Variants in DDX10 observed in about 807,000 individuals in gnomAD.
The protein encoded by DDX10 is probable ATP-dependent RNA helicase DDX10.
In DDX10, 74 loss-of-function variants were observed where a neutral mutation model predicts 104.3. The ratio of observed to expected loss-of-function variants is 0.71; its 90% CI spans 0.59 to 0.86. DDX10 has a LOEUF of 0.86. DDX10 is among the 40% of genes least tolerant of loss of function. DDX10 has a pLI of 0.00. For synonymous variants in DDX10, 351 were observed against 353.4 expected, an observed-to-expected ratio of 0.99 and a Z score of 0.08; for missense variants, 952 against 1,040.0, an observed-to-expected ratio of 0.92 and a Z score of 1.16.
chr11:108,737,137 T>C (rs2094319373), intron 13 of DDX10, among the ~76,000 whole-genome samples: 1 of 152,192 alleles, frequency 6.6e-6, no homozygotes, highest in Admixed American at 6.5e-5. Context: ...TGACAACACT[T>C]TCATCCCTAG....
chr11:108,794,626 C>A (rs903581142), intron 13 of DDX10, among the ~76,000 whole-genome samples: 2 of 151,590 alleles, frequency 1.3e-5, no homozygotes, highest in Admixed American at 6.6e-5. Flanking sequence ...TTAAGACAAT[C>A]CTTTATTTTT....
intron 13 of DDX10, among the ~76,000 whole-genome samples, chr11:108,736,154 CTTT>C (rs58772238): frequency 1.2e-4 from 17 of 137,000 alleles, no homozygotes; most frequent in Admixed American, 2.2e-4. Context: ...TTCCCTAGTT[CTTT>C]TTTTTTTTTT....
At chr11:108,896,718 T>G (rs1863446080) in intron 16 of DDX10, among the ~76,000 whole-genome samples, 1 of 152,162 alleles carries the variant, frequency 6.6e-6, no homozygotes. Flanking sequence ...CCTCATATCT[T>G]AGTTGCTTCT....
intron 16 of DDX10, among the ~76,000 whole-genome samples, chr11:108,892,136 T>C (rs1336765814): frequency 1.3e-5 from 2 of 152,106 alleles, no homozygotes; most frequent in African/African-American, 4.8e-5. Context: ...GTGTTGGAAG[T>C]GAGGCCTAGT....
At chr11:108,779,268 C>A (rs1374177792) in intron 13 of DDX10, among the ~76,000 whole-genome samples, 1 of 152,136 alleles carries the variant, frequency 6.6e-6, no homozygotes, top group Non-Finnish European at 1.5e-5. Flanking sequence ...TTCACAATAG[C>A]AAAGACTTGG....
At chr11:108,678,817 T>C (rs2094230012) in intron 5 of DDX10, among the ~76,000 whole-genome samples, 1 of 151,660 alleles carries the variant, frequency 6.6e-6, no homozygotes, top group Non-Finnish European at 1.5e-5. Context: ...TTTTGATTTG[T>C]AGGAAAGTTG....
At chr11:108,888,542 A>G (rs1456271037) in intron 16 of DDX10, among the ~76,000 whole-genome samples, 5 of 152,128 alleles carry the variant, frequency 3.3e-5, no homozygotes, top group Non-Finnish European at 7.4e-5. Flanking sequence ...GACTATTTCT[A>G]TATATTCCCT....
At chr11:108,881,902 TA>T (rs1284284563) in intron 16 of DDX10, among the ~76,000 whole-genome samples, 1 of 152,166 alleles carries the variant, frequency 6.6e-6, no homozygotes, top group Non-Finnish European at 1.5e-5. Context: ...GTAATTTAAT[TA>T]AAAAAATTTT....
chr11:108,801,972 TGGG>T (rs1395823660), intron 13 of DDX10, among the ~76,000 whole-genome samples: 2 of 148,320 alleles, frequency 1.3e-5, no homozygotes, highest in African/African-American at 5.0e-5. Flanking sequence ...TTTAAAAAAG[TGGG>T]GGGAGGGAGA....
At chr11:108,836,551 A>T (rs1451649615) in intron 13 of DDX10, among the ~76,000 whole-genome samples, 1 of 152,182 alleles carries the variant, frequency 6.6e-6, no homozygotes, top group East Asian at 1.9e-4. Flanking sequence ...CACTGGCACA[A>T]TCTCAGGTCA....
chr11:108,738,884 A>T (rs11212774), intron 13 of DDX10, among the ~76,000 whole-genome samples: 1 of 151,882 alleles, frequency 6.6e-6, no homozygotes, highest in Non-Finnish European at 1.5e-5. Flanking sequence ...CTGCCCCTCA[A>T]GTCCCACAGG....
At chr11:108,933,608 T>C (rs1197399430) in intron 17 of DDX10, among the ~76,000 whole-genome samples, 1 of 152,250 alleles carries the variant, frequency 6.6e-6, no homozygotes, top group African/African-American at 2.4e-5. Context: ...CCTGAAGTTA[T>C]TGGGTACTTC....
chr11:108,741,049 A>G (rs1316331164), intron 13 of DDX10, among the ~76,000 whole-genome samples: 1 of 152,200 alleles, frequency 6.6e-6, no homozygotes, highest in East Asian at 1.9e-4. Flanking sequence ...AGTACCATTT[A>G]TTGAATAGAG....
chr11:108,860,243 A>G (rs1349171756), intron 16 of DDX10, among the ~76,000 whole-genome samples: 2 of 152,224 alleles, frequency 1.3e-5, no homozygotes, highest in South Asian at 2.1e-4. Context: ...ATATTATCAT[A>G]GCTTAAAAGT....
At chr11:108,831,235 C>A (rs111287781) in intron 13 of DDX10, among the ~76,000 whole-genome samples, 6,274 of 152,002 alleles carry the variant, frequency 0.041, 350 homozygotes, top group African/African-American at 0.12. Context: ...GAAACCCCAT[C>A]TCTACAAAAA....
At chr11:108,802,226 A>G (rs1406579789) in intron 13 of DDX10, among the ~76,000 whole-genome samples, 1 of 152,132 alleles carries the variant, frequency 6.6e-6, no homozygotes, top group African/African-American at 2.4e-5. Context: ...TATATTTACC[A>G]GTTCAGCATC....
intron 17 of DDX10, among the ~76,000 whole-genome samples, chr11:108,928,090 C>T (rs1250652153): frequency 6.6e-6 from 1 of 152,162 alleles, no homozygotes; most frequent in Non-Finnish European, 1.5e-5. Context: ...AGTGAGAGGT[C>T]TTCCTATTCA....
At chr11:108,845,917 C>G (rs1005036271) in intron 15 of DDX10, among the ~76,000 whole-genome samples, 1 of 152,142 alleles carries the variant, frequency 6.6e-6, no homozygotes, top group South Asian at 2.1e-4. Context: ...TGCATGTGCA[C>G]TCATTCTTAG....
At chr11:108,846,399 C>T (rs142644139) in intron 15 of DDX10, among the ~76,000 whole-genome samples, 2,362 of 151,734 alleles carry the variant, frequency 0.016, 57 homozygotes, top group African/African-American at 0.054. Context: ...ACACTATAAC[C>T]AACATCTTCC....
Sources: allele counts gnomAD v4.1 joint callset (sites outside exome capture counted in the v4.1 genomes callset), GRCh38; gene constraint gnomAD v4.1.1; transcripts MANE v1.5; gene names NCBI Gene and HGNC (gene_info 2026-07-23, HGNC 2026-07-21).